ABR: variants seen among roughly 807,000 people sequenced by gnomAD.
The protein encoded by ABR is ABR activator of RhoGEF and GTPase, also known as active breakpoint cluster region-related protein.
Under a neutral mutation model 107.2 loss-of-function variants are expected in ABR, and 35 were observed. The ratio of observed to expected loss-of-function variants is 0.33; its 90% CI spans 0.25 to 0.43. ABR has a LOEUF of 0.43. Ranked by LOEUF, ABR falls within the 20% of genes least tolerant of loss-of-function variation. ABR has a pLI of 1.00. For missense variants in ABR, 815 were observed against 1,115.2 expected, an observed-to-expected ratio of 0.73 and a Z score of 3.83; for synonymous variants, 498 against 462.0, an observed-to-expected ratio of 1.08 and a Z score of -1.00.
At chr17:1,170,939 C>G (rs1264165260) in intron 1 of ABR, among the ~76,000 whole-genome samples, 2 of 152,126 alleles carry the variant, frequency 1.3e-5, no homozygotes, top group African/African-American at 4.8e-5. Flanking sequence ...AGGGGGCACT[C>G]TTGCATAGCA....
intron 16 of ABR, among the ~76,000 whole-genome samples, chr17:1,014,056 C>T (rs2070904338): frequency 6.6e-6 from 1 of 152,288 alleles, no homozygotes; most frequent in South Asian, 2.1e-4. Context: ...TCAATATTGC[C>T]ATCCTAAAAT....
chr17:1,187,217 G>A (rs2042321581), exon 1 of ABR: 1 of 152,368 alleles, frequency 6.6e-6, no homozygotes, highest in African/African-American at 2.4e-5. Flanking sequence ...CTAGCCAGGG[G>A]CGCCTGCCAT....
intron 10 of ABR, among the ~76,000 whole-genome samples, chr17:1,061,136 A>G (rs1448901555): frequency 6.6e-6 from 1 of 152,158 alleles, no homozygotes; most frequent in Admixed American, 6.5e-5. Flanking sequence ...CTGGACAGGG[A>G]TATACATGAG....
intron 21 of ABR, among the ~76,000 whole-genome samples, chr17:1,007,536 G>A (rs564533225): frequency 6.6e-6 from 1 of 152,270 alleles, no homozygotes; most frequent in Admixed American, 6.5e-5. Flanking sequence ...CCAGCTGCTG[G>A]GTCCCCCTGA....
In ABR at chr17:1,125,714, C is replaced by T. The variant is rs377053886; in HGVS notation, c.62-347G>A. 1.3e-4 allele frequency: 43 copies of T among 319,146 alleles called. 1 individual carries two copies. The highest frequency in any genetic ancestry group is 8.6e-4 in the Middle Eastern group (1 of 1,166). The allele number at this position is 319,146 out of a possible 1,614,324, so 19.8% of individuals were successfully genotyped here. ...TTAACAGTGGGAGCAAGAGGCAGGA[C>T]GCTTCCAACTCTCCTCTCTGAGTCA... On this transcript the variant is annotated intron_variant, in intron 1 of 22. Coordinates refer to ENST00000302538, the MANE Select transcript of ABR (RefSeq NM_021962.5).
At chr17:1,098,926 C>T (rs2037677440) in intron 3 of ABR, among the ~76,000 whole-genome samples, 1 of 152,198 alleles carries the variant, frequency 6.6e-6, no homozygotes, top group African/African-American at 2.4e-5. Context: ...GCTGGGATTA[C>T]AGGGGCCCGC....
At chr17:1,172,061 T>C (rs1488953562) in intron 1 of ABR, among the ~76,000 whole-genome samples, 1 of 152,160 alleles carries the variant, frequency 6.6e-6, no homozygotes, top group Non-Finnish European at 1.5e-5. Flanking sequence ...TAAACCCAGA[T>C]TCATCTTTCG....
At chr17:1,112,243 T>C (rs911383666) in intron 2 of ABR, among the ~76,000 whole-genome samples, 1 of 152,182 alleles carries the variant, frequency 6.6e-6, no homozygotes, top group African/African-American at 2.4e-5. Context: ...GTTCTCAGGC[T>C]CTCGATCCGT....
At chr17:1,039,867 G>T (rs1398162419) in intron 16 of ABR, among the ~76,000 whole-genome samples, 2 of 152,144 alleles carry the variant, frequency 1.3e-5, no homozygotes, top group African/African-American at 2.4e-5. Flanking sequence ...GGGCGCCGAC[G>T]CGGGCTGATC....
At chr17:1,222,886 G>A (rs1022209430) in intron 1 of ABR, among the ~76,000 whole-genome samples, 1 of 152,204 alleles carries the variant, frequency 6.6e-6, no homozygotes, top group Non-Finnish European at 1.5e-5. Context: ...TCCAGCTTGG[G>A]CAACAGAGTA....
intron 1 of ABR, among the ~76,000 whole-genome samples, chr17:1,178,492 A>G (rs1440367211): frequency 6.6e-6 from 1 of 151,310 alleles, no homozygotes; most frequent in Non-Finnish European, 1.5e-5. Context: ...TGAACCCGGG[A>G]GGCAGAGGTT....
At chr17:1,047,954 C>T (rs924351891) in intron 16 of ABR, among the ~76,000 whole-genome samples, 3 of 152,218 alleles carry the variant, frequency 2.0e-5, no homozygotes, top group African/African-American at 7.2e-5. Flanking sequence ...CCGGCACATC[C>T]TTGTAACTCT....
intron 16 of ABR, among the ~76,000 whole-genome samples, chr17:1,034,605 G>A (rs919475926): frequency 4.6e-5 from 7 of 152,164 alleles, no homozygotes; most frequent in South Asian, 2.1e-4. Context: ...GGCCCTCGGG[G>A]CTGTAGGGAA....
chr17:1,088,553 C>T (rs1448056523), intron 4 of ABR, among the ~76,000 whole-genome samples: 1 of 151,754 alleles, frequency 6.6e-6, no homozygotes, highest in Non-Finnish European at 1.5e-5. Context: ...GTTCCAGGCC[C>T]TGTTCCAAGC....
chr17:1,150,208 ATT>A lies in ABR; in HGVS notation c.62-24843_62-24842del, dbSNP rs1467346888. 6.6e-6 allele frequency among the ~76,000 whole-genome samples: 1 copy of A among 151,904 alleles called. No individual in the cohort carries two copies. The highest frequency in any genetic ancestry group is 1.5e-5 in the Non-Finnish European group (1 of 67,968). On this transcript the variant is annotated intron_variant, in intron 1 of 22. Transcript: ENST00000302538. This position sits in a 1 kb window ranked among gnomAD's most constrained non-coding sequence, Gnocchi z 4.8. ...GCCACCGCGCCCGGCCTGTGTCAGA[ATT>A]TTTTTTGTTACCCACCTGACAAAGC...
At position 1,175,187 on chromosome 17, in the gene ABR, G is replaced by A. The variant is rs1045159865; in HGVS notation, c.61+4480C>T. Among the ~76,000 whole-genome samples the A allele has an allele frequency of 3.9e-5, 6 of 152,320 alleles. No homozygotes were observed. The East Asian group carries it at 1.2e-3, about 29-fold the overall frequency. On this transcript the variant is annotated intron_variant, in intron 1 of 22. Transcript: ENST00000302538. The stretch of plus-strand genomic sequence containing the variant: ...AGCACTTTGGGAAGCCGAGGCGGGT[G>A]GATCACCTGAGGTCAGGAGTTGGAG...
chr17:1,133,243 G>GAAA (rs35915671), intron 1 of ABR, among the ~76,000 whole-genome samples: 10 of 138,406 alleles, frequency 7.2e-5, no homozygotes, highest in Admixed American at 7.2e-5. Context: ...ACTCCGTCTC[G>GAAA]AAAAAAAAAA....
chr17:1,167,911 G>A (rs1272467093), intron 1 of ABR, among the ~76,000 whole-genome samples: 1 of 152,196 alleles, frequency 6.6e-6, no homozygotes, highest in Non-Finnish European at 1.5e-5. Context: ...CCAGCACTTT[G>A]GGAGGCCGAG....
chr17:1,050,250 T>A lies in ABR; in HGVS notation c.1660-69A>T. ...GAGGCCTGGCTTTCCGGCAGGTGCG[T>A]GCCTCAGCTTTGCAAGGAGGAGGGA... On this transcript the variant is annotated intron_variant, in intron 15 of 22. Coordinates refer to ENST00000302538, the MANE Select transcript of ABR (RefSeq NM_021962.5). This position sits in a 1 kb window ranked among gnomAD's most constrained non-coding sequence, Gnocchi z 4.6. 1 of 1,552,634 alleles carries A rather than the reference T, an allele frequency of 6.4e-7. No individual in the cohort carries two copies. Among genetic ancestry groups the A allele is most frequent in the Admixed American group, 1.9e-5 (1 of 52,666 alleles).
Sources: gnomAD v4.1 joint callset for allele counts (sites outside exome capture counted in the v4.1 genomes callset) on GRCh38, gnomAD v4.1.1 for gene constraint, Gnocchi (gnomAD v3.1) non-coding constraint, MANE v1.5 for transcripts, NCBI Gene and HGNC (gene_info 2026-07-23, HGNC 2026-07-21) for gene names.